DPY19L2: variants seen among roughly 807,000 people sequenced by gnomAD.
The protein encoded by DPY19L2 is probable C-mannosyltransferase DPY19L2.
DPY19L2 carries 34 observed loss-of-function variants against 97.9 expected under a neutral mutation model. That is an observed-to-expected ratio of 0.35 (90% CI 0.26 to 0.46). The LOEUF is 0.46. DPY19L2 is among the 20% of genes least tolerant of loss of function. The pLI is 1.00. For synonymous variants in DPY19L2, 230 were observed against 307.9 expected, an observed-to-expected ratio of 0.75 and a Z score of 2.65; for missense variants, 623 against 911.4, an observed-to-expected ratio of 0.68 and a Z score of 4.07.
chr12:63,586,987 A>G (rs1298747289), intron 16 of DPY19L2, among the ~76,000 whole-genome samples: 1 of 152,162 alleles, frequency 6.6e-6, no homozygotes, highest in Non-Finnish European at 1.5e-5. Flanking sequence ...AAATTCACCA[A>G]TTAGAAAACG....
At chr12:63,569,429 G>A in intron 20 of DPY19L2, 80 bp from the exon 21 acceptor site, 2 of 1,093,724 alleles carry the variant, frequency 1.8e-6, no homozygotes, top group Non-Finnish European at 2.5e-6. Context: ...CTAGCAAATT[G>A]AAATCTCAAT....
At chr12:63,626,039 T>C (rs34964190) in intron 7 of DPY19L2, among the ~76,000 whole-genome samples, 3 of 149,796 alleles carry the variant, frequency 2.0e-5, no homozygotes, top group African/African-American at 7.3e-5. Flanking sequence ...CAGACAGATA[T>C]AGAATGGGAA....
At chr12:63,623,335 C>T (rs1324511330) in intron 8 of DPY19L2, among the ~76,000 whole-genome samples, 1 of 152,040 alleles carries the variant, frequency 6.6e-6, no homozygotes, top group African/African-American at 2.4e-5. Flanking sequence ...AATATATATA[C>T]TCCTTATCCA....
chr12:63,612,165 C>A (rs868791876), intron 11 of DPY19L2, among the ~76,000 whole-genome samples: 2 of 151,984 alleles, frequency 1.3e-5, no homozygotes, highest in Non-Finnish European at 2.9e-5. Context: ...TGTTAACCTG[C>A]AATTCTACAC....
chr12:63,662,620 C>T (rs61935166), intron 3 of DPY19L2, among the ~76,000 whole-genome samples: 18,297 of 151,916 alleles, frequency 0.12, 1,204 homozygotes, highest in East Asian at 0.28. Context: ...ATTGAGCAGA[C>T]GAGATTACTG....
At chr12:63,661,052 C>T (rs574523328) in intron 4 of DPY19L2, 1 of 186,456 alleles carries the variant, frequency 5.4e-6, no homozygotes, top group East Asian at 1.3e-4. Context: ...GCCAAAAGCC[C>T]ATCCCTATTT....
At chr12:63,594,451 G>C (rs1451212342) in intron 15 of DPY19L2, among the ~76,000 whole-genome samples, 1 of 142,924 alleles carries the variant, frequency 7.0e-6, no homozygotes, top group Non-Finnish European at 1.5e-5. Context: ...GCAGGGATGA[G>C]AGAGAGAGAG....
chr12:63,655,539 G>T (rs1322979911), intron 4 of DPY19L2, among the ~76,000 whole-genome samples: 1 of 152,122 alleles, frequency 6.6e-6, no homozygotes, highest in Non-Finnish European at 1.5e-5. Context: ...TTTGCTGAGA[G>T]TGAAAGGGGG....
chr12:63,590,778 G>A (rs2942613), intron 16 of DPY19L2, among the ~76,000 whole-genome samples: 1 of 151,908 alleles, frequency 6.6e-6, no homozygotes, highest in African/African-American at 2.4e-5. Context: ...TTTTTGATAC[G>A]CTGGTTTTTC....
chr12:63,567,161 C>T (rs913893034), intron 21 of DPY19L2, among the ~76,000 whole-genome samples: 2 of 151,980 alleles, frequency 1.3e-5, no homozygotes, highest in African/African-American at 2.4e-5. Context: ...TCTTCTCCTC[C>T]CTACCCTTCC....
intron 4 of DPY19L2, among the ~76,000 whole-genome samples, chr12:63,652,888 A>G (rs1432517965): frequency 1.3e-5 from 2 of 152,136 alleles, no homozygotes; most frequent in Non-Finnish European, 2.9e-5. Context: ...CAATTTACCT[A>G]TTCAGCAAAC....
chr12:63,631,015 C>G (rs955754136), intron 6 of DPY19L2, among the ~76,000 whole-genome samples: 2 of 152,022 alleles, frequency 1.3e-5, no homozygotes, highest in Non-Finnish European at 2.9e-5. Context: ...TTCTTTGAAA[C>G]CAACGAGAAC....
At chr12:63,610,571 T>TA (rs1005612802) in intron 11 of DPY19L2, among the ~76,000 whole-genome samples, 105 of 150,432 alleles carry the variant, frequency 7.0e-4, no homozygotes, top group East Asian at 6.2e-3. Flanking sequence ...TATGAAAACA[T>TA]AAAAAAAACT....
intron 19 of DPY19L2, among the ~76,000 whole-genome samples, chr12:63,571,127 G>C (rs1454472224): frequency 6.6e-6 from 1 of 152,060 alleles, no homozygotes; most frequent in African/African-American, 2.4e-5. Context: ...TAGGTCCTCT[G>C]TTCTTACTTT....
At chr12:63,634,477 G>T (rs1891295523) in intron 6 of DPY19L2, among the ~76,000 whole-genome samples, 1 of 152,164 alleles carries the variant, frequency 6.6e-6, no homozygotes. Context: ...ACGGAGCAGG[G>T]TGGGGCATCA....
At chr12:63,612,067 C>T (rs1473536882) in intron 11 of DPY19L2, among the ~76,000 whole-genome samples, 1 of 151,872 alleles carries the variant, frequency 6.6e-6, no homozygotes, top group South Asian at 2.1e-4. Context: ...CAGACGAAAG[C>T]GTAGGGATGT....
chr12:63,629,512 G>C (rs1234564449), intron 6 of DPY19L2, among the ~76,000 whole-genome samples: 1 of 152,056 alleles, frequency 6.6e-6, no homozygotes, highest in African/African-American at 2.4e-5. Context: ...GAGAAGTTTA[G>C]AGTAAAAAGA....
intron 1 of DPY19L2, among the ~76,000 whole-genome samples, chr12:63,667,367 T>C (rs185592598): frequency 6.6e-6 from 1 of 152,088 alleles, no homozygotes. Flanking sequence ...AAAATCTTTC[T>C]GTGTCTCTCA....
intron 8 of DPY19L2, among the ~76,000 whole-genome samples, chr12:63,622,142 C>G (rs1389527678): frequency 6.6e-6 from 1 of 151,960 alleles, no homozygotes; most frequent in East Asian, 1.9e-4. Context: ...ATTTTTCAAA[C>G]AAAAATTACT....
Sources: allele counts gnomAD v4.1 joint callset (sites outside exome capture counted in the v4.1 genomes callset), GRCh38; gene constraint gnomAD v4.1.1; transcripts MANE v1.5; gene names NCBI Gene and HGNC (gene_info 2026-07-23, HGNC 2026-07-21).